Variants in TXLNG observed in about 807,000 individuals in gnomAD.
TXLNG encodes the protein gamma-taxilin.
Under a neutral mutation model 38.8 loss-of-function variants are expected in TXLNG, and 5 were observed. The ratio of observed to expected loss-of-function variants is 0.13; its 90% CI spans 0.07 to 0.27. TXLNG has a LOEUF of 0.27. Ranked by LOEUF, TXLNG falls within the 10% of genes least tolerant of loss-of-function variation. TXLNG has a pLI of 1.00. For synonymous variants in TXLNG, 182 were observed against 158.2 expected (o/e 1.15, Z -1.13); for missense variants, 393 against 398.2 (o/e 0.99, Z 0.11).
rs1245687039 is a variant in TXLNG, at chrX:16,834,481, G to C, written c.1059+124G>C. 6.3e-6 allele frequency: 3 copies of C among 477,639 alleles called. No homozygotes were observed. The African/African-American group carries it at 7.5e-5, about 12-fold the overall frequency. The allele number at this position is 477,639 out of a possible 1,213,427, so 39.4% of individuals were successfully genotyped here. A position where few individuals can be genotyped will look rare whatever the true frequency, so the allele number is the denominator to read the frequency against. On this transcript the variant is annotated intron_variant, in intron 7 of 9. Transcript: ENST00000380122. ...GCTTTTTCCCAGCCAGAGCTGACCA[G>C]GACTGAGGCAGAAATCTCATGGCCC...
chrX:16,811,240 A>G (rs1928503365), intron 1 of TXLNG, among the ~76,000 whole-genome samples: 1 of 112,365 alleles, frequency 8.9e-6, no homozygotes, highest in African/African-American at 3.2e-5. Flanking sequence ...GATGACATAC[A>G]ATTAAAAGGA....
Position 16,818,858 on chromosome X carries a change from G to A in TXLNG, c.387G>A (p.Arg129=), listed in dbSNP as rs1226229488. ...GTCAGCAAGATTCAGAGTGCAACAG[G>A]AACAAAGAAAAAACTTTAGGTAATA... ...PDGQQDSECN[R]NKEKTLGKEV... is the part of the protein sequence containing the mutation. Residue 129 remains arginine (R), a synonymous_variant, in exon 2 of 10, where the codon AGG becomes AGA. Coordinates refer to ENST00000380122, the MANE Select transcript of TXLNG (RefSeq NM_018360.3). 2 of 1,199,530 alleles carry A rather than the reference G, an allele frequency of 1.7e-6. No individual in the cohort carries two copies. Among genetic ancestry groups the A allele is most frequent in the Admixed American group, 4.6e-5 (2 of 43,334 alleles).
chrX:16,834,023 C>CT (rs1482645682), intron 6 of TXLNG, among the ~76,000 whole-genome samples: 1 of 112,198 alleles, frequency 8.9e-6, no homozygotes, highest in Non-Finnish European at 1.9e-5. Flanking sequence ...CAATTTAACT[C>CT]TGAGTTTTAG....
intron 1 of TXLNG, among the ~76,000 whole-genome samples, chrX:16,802,825 T>C (rs1382877627): frequency 1.9e-4 from 20 of 106,801 alleles, no homozygotes; most frequent in African/African-American, 5.7e-4. Context: ...TTCTTTCTTT[T>C]TTTTTTTTTT....
intron 1 of TXLNG, among the ~76,000 whole-genome samples, chrX:16,815,167 CGTTT>C (rs1446377946): frequency 9.0e-6 from 1 of 111,399 alleles, no homozygotes; most frequent in Non-Finnish European, 1.9e-5. Flanking sequence ...CTTCTATTCT[CGTTT>C]GTTTGTTTTT....
At chrX:16,820,082 G>T (rs376346300) in intron 2 of TXLNG, 82 bp from the exon 3 acceptor site, 22 of 715,001 alleles carry the variant, frequency 3.1e-5, no homozygotes, top group East Asian at 2.7e-4. Context: ...GGATGTCAGA[G>T]CACGGGAATT....
At chrX:16,836,743 C>T (rs1448345832) in intron 7 of TXLNG, among the ~76,000 whole-genome samples, 1 of 112,450 alleles carries the variant, frequency 8.9e-6, no homozygotes, top group Non-Finnish European at 1.9e-5. Flanking sequence ...CTTTATTCTT[C>T]TCTGCTTTTC....
At chrX:16,811,569 A>ATC (rs1377185367) in intron 1 of TXLNG, among the ~76,000 whole-genome samples, 2 of 107,489 alleles carry the variant, frequency 1.9e-5, no homozygotes, top group African/African-American at 3.4e-5. Flanking sequence ...GCTGTTCTTG[A>ATC]ACTCTTGACC....
chrX:16,825,583 A>G (rs1183948426), intron 3 of TXLNG, among the ~76,000 whole-genome samples: 1 of 111,633 alleles, frequency 9.0e-6, no homozygotes, highest in Non-Finnish European at 1.9e-5. Context: ...TCACTCTACC[A>G]CCCAGGCTGG....
rs1929868439 is a variant in TXLNG, at chrX:16,842,049, C to T, written c.*283C>T. On this transcript the variant is annotated 3_prime_UTR_variant, in exon 10 of 10. Coordinates refer to ENST00000380122, the MANE Select transcript of TXLNG (RefSeq NM_018360.3). ...TCTCTCCCTGCTCCTTGCACATTAT[C>T]ATCCTAATGAAAATTTCACTGACAG... 1 of 257,180 alleles carries T rather than the reference C, an allele frequency of 3.9e-6. No homozygotes were observed. Among genetic ancestry groups the T allele is most frequent in the African/African-American group, 2.8e-5 (1 of 35,561 alleles). The allele number at this position is 257,180 out of a possible 1,213,427, so 21.2% of individuals were successfully genotyped here.
chrX:16,832,474 A>G (rs746824824), intron 5 of TXLNG, 149 bp from the exon 6 acceptor site: 1 of 762,400 alleles, frequency 1.3e-6, no homozygotes, highest in African/African-American at 2.1e-5. Context: ...AGCGGAGTAT[A>G]CAGGGACAGA....
intron 9 of TXLNG, 88 bp downstream of exon 9, chrX:16,840,004 G>C (rs1176795619): frequency 5.9e-6 from 4 of 681,507 alleles, no homozygotes; most frequent in African/African-American, 4.4e-5. Flanking sequence ...GACGTGTGCT[G>C]TAACACTACT....
chrX:16,839,009 A>C (rs189618394), intron 8 of TXLNG, among the ~76,000 whole-genome samples: 3 of 111,689 alleles, frequency 2.7e-5, no homozygotes, highest in South Asian at 3.7e-4. Flanking sequence ...GTTTCCCTTA[A>C]CACCACCTGG....
intron 6 of TXLNG, 44 bp downstream of exon 6, chrX:16,832,786 G>A (rs369043722): frequency 1.7e-6 from 2 of 1,147,892 alleles, no homozygotes; most frequent in Non-Finnish European, 2.3e-6. Context: ...TGCCAACATT[G>A]TAACTGAGGC....
chrX:16,841,692 C>T lies in TXLNG; in HGVS notation c.1513C>T (p.Pro505Ser), dbSNP rs974293386. Reference sequence around the variant, plus strand: ...CCTGGGAGCGCACCTGGAGGCTGAGCCCAAGAGTCAGAGAAGCGCTGTGCA... The same window carrying T: ...CCTGGGAGCGCACCTGGAGGCTGAGTCCAAGAGTCAGAGAAGCGCTGTGCA... ...RALGAHLEAE[P>S]KSQRSAVQKP... Residue 505 changes from proline to serine, a missense_variant, in exon 10 of 10, where the codon CCC becomes TCC. Transcript: ENST00000380122. The T allele has an allele frequency of 5.0e-6, 6 of 1,211,931 alleles. No individual in the cohort carries two copies. Among genetic ancestry groups the T allele is most frequent in the Non-Finnish European group, 6.7e-6 (6 of 895,558 alleles).
At chrX:16,792,747 C>G (rs180900879) in intron 1 of TXLNG, among the ~76,000 whole-genome samples, 2 of 108,454 alleles carry the variant, frequency 1.8e-5, no homozygotes, top group African/African-American at 3.4e-5. Flanking sequence ...GGCCACTGCT[C>G]TAGCCTGGGC....
chrX:16,819,007 G>T (rs954542939), intron 2 of TXLNG, 130 bp downstream of exon 2: 23 of 630,051 alleles, frequency 3.7e-5, no homozygotes, highest in Admixed American at 8.4e-5. Context: ...CTTCGGTGAG[G>T]TCAGTCCATG....
At chrX:16,786,898 C>T (rs779665913) in intron 1 of TXLNG, among the ~76,000 whole-genome samples, 4 of 110,814 alleles carry the variant, frequency 3.6e-5, no homozygotes, top group South Asian at 7.7e-4. Flanking sequence ...GTGACAGCCA[C>T]GTGCGGCCAG....
intron 1 of TXLNG, among the ~76,000 whole-genome samples, chrX:16,815,465 G>A (rs1253198133): frequency 2.7e-5 from 3 of 110,891 alleles, no homozygotes; most frequent in Non-Finnish European, 5.7e-5. Context: ...GTGAGCCACC[G>A]CGACCGGCCT....
Sources: allele counts gnomAD v4.1 joint callset (sites outside exome capture counted in the v4.1 genomes callset), GRCh38; gene constraint gnomAD v4.1.1; transcripts MANE v1.5; gene names NCBI Gene and HGNC (gene_info 2026-07-23, HGNC 2026-07-21).